Variants in TENM3 observed in about 807,000 individuals in gnomAD.
TENM3 encodes the protein teneurin transmembrane protein 3.
Under a neutral mutation model 255.1 loss-of-function variants are expected in TENM3, and 63 were observed. That is an observed-to-expected ratio of 0.25 (90% CI 0.20 to 0.30). The LOEUF is 0.30. Among genes scored for constraint, TENM3 ranks in the 10% least tolerant of loss-of-function variants. The pLI is 1.00. For synonymous variants in TENM3, 1,306 were observed against 1,322.3 expected (o/e 0.99, Z 0.27); for missense variants, 2,929 against 3,461.1 (o/e 0.85, Z 3.86).
chr4:181,748,269 G>A, the TENM3 span, among the ~76,000 whole-genome samples: 1 of 151,996 alleles, frequency 6.6e-6, no homozygotes. Context: ...TTATCCAAGT[G>A]CATGGTAGGT....
chr4:182,700,289 A>G (rs574889960), intron 12 of TENM3, among the ~76,000 whole-genome samples: 1 of 152,366 alleles, frequency 6.6e-6, no homozygotes, highest in African/African-American at 2.4e-5. Context: ...TTTAAGAAGT[A>G]TGATTATCCC....
chr4:181,778,797 T>C, the TENM3 span, among the ~76,000 whole-genome samples: 1 of 152,140 alleles, frequency 6.6e-6, no homozygotes, highest in Non-Finnish European at 1.5e-5. Context: ...GCTGGAACCT[T>C]TTCTTGTTTG....
the TENM3 span, among the ~76,000 whole-genome samples, chr4:181,941,719 G>A: frequency 1.3e-5 from 2 of 152,008 alleles, no homozygotes; most frequent in African/African-American, 4.8e-5. Flanking sequence ...TTTTGTTGTT[G>A]TTGCTGTGGG....
intron 3 of TENM3, among the ~76,000 whole-genome samples, chr4:182,540,099 G>T (rs1472492111): frequency 6.6e-6 from 1 of 152,212 alleles, no homozygotes; most frequent in Non-Finnish European, 1.5e-5. Context: ...AGATTGACAA[G>T]AAAGTTTGAT....
the TENM3 span, among the ~76,000 whole-genome samples, chr4:181,667,384 A>C: frequency 6.6e-6 from 1 of 152,206 alleles, no homozygotes; most frequent in Non-Finnish European, 1.5e-5. Flanking sequence ...CTGTTTGTTT[A>C]TAACAATGGC....
the TENM3 span, among the ~76,000 whole-genome samples, chr4:181,926,133 T>G: frequency 1.3e-5 from 2 of 152,220 alleles, no homozygotes; most frequent in Non-Finnish European, 2.9e-5. Context: ...TCTTTAAAAT[T>G]CAGTATCTTT....
intron 4 of TENM3, among the ~76,000 whole-genome samples, chr4:182,608,103 A>G (rs1047040014): frequency 2.0e-5 from 3 of 152,208 alleles, no homozygotes; most frequent in African/African-American, 7.2e-5. Flanking sequence ...CTGTAAAAGT[A>G]TGTCTCAGTC....
chr4:181,596,328 G>T, the TENM3 span, among the ~76,000 whole-genome samples: 1 of 152,168 alleles, frequency 6.6e-6, no homozygotes, highest in South Asian at 2.1e-4. Context: ...TCACAAGCTT[G>T]CACGGTTTGT....
the TENM3 span, among the ~76,000 whole-genome samples, chr4:181,957,774 T>C: frequency 1.3e-5 from 2 of 152,298 alleles, no homozygotes; most frequent in East Asian, 3.9e-4. Flanking sequence ...AGTGGTGTAC[T>C]GTTATTTAAA....
chr4:181,976,341 A>C, the TENM3 span: 6 of 152,208 alleles, frequency 3.9e-5, no homozygotes, highest in Non-Finnish European at 5.9e-5. Flanking sequence ...GCTAGTCTCC[A>C]ACTCCTGACG....
the TENM3 span, among the ~76,000 whole-genome samples, chr4:181,607,413 A>ATTT: frequency 5.2e-4 from 77 of 147,622 alleles, no homozygotes; most frequent in Non-Finnish European, 7.6e-4. Context: ...TTGGCATTTA[A>ATTT]TTTTTTTTTT....
At chr4:182,008,387 G>T in the TENM3 span, among the ~76,000 whole-genome samples, 3 of 151,880 alleles carry the variant, frequency 2.0e-5, no homozygotes, top group Non-Finnish European at 4.4e-5. Context: ...TCGTAGGTTC[G>T]ATCTTTTTAT....
At chr4:181,564,947 A>T in the TENM3 span, among the ~76,000 whole-genome samples, 1 of 152,168 alleles carries the variant, frequency 6.6e-6, no homozygotes, top group Non-Finnish European at 1.5e-5. Flanking sequence ...AGGAGCCAGC[A>T]TGGAATTCAT....
rs1580920273 is a variant in TENM3 at position 182,554,789 on chromosome 4, G to C, written c.512-46135G>C. The stretch of plus-strand genomic sequence containing the variant: ...ACAAAGCCCATGTCACCAGAATCAA[G>C]AGTACTTGGAAGAGAGGGGTCAGTG... On this transcript the variant is annotated intron_variant, in intron 3 of 27. Coordinates refer to ENST00000511685, the MANE Select transcript of TENM3 (RefSeq NM_001080477.4). Among the ~76,000 whole-genome samples the C allele has an allele frequency of 9.9e-5, 15 of 151,886 alleles. No homozygotes were observed. In the South Asian group the frequency reaches 3.1e-3, roughly 32 times the overall value.
the TENM3 span, among the ~76,000 whole-genome samples, chr4:181,561,106 C>T: frequency 1.3e-5 from 2 of 152,092 alleles, no homozygotes; most frequent in Admixed American, 1.3e-4. Context: ...GTGTGTGCCA[C>T]CAACGTCCGG....
At chr4:181,551,806 TAATATATATA>T in the TENM3 span, among the ~76,000 whole-genome samples, 80 of 45,970 alleles carry the variant, frequency 1.7e-3, no homozygotes, top group South Asian at 0.076. Flanking sequence ...AGGCAGTTAA[TAATATATATA>T]TATATATATA....
the TENM3 span, among the ~76,000 whole-genome samples, chr4:181,817,692 C>CT: frequency 6.6e-6 from 1 of 152,108 alleles, no homozygotes; most frequent in African/African-American, 2.4e-5. Flanking sequence ...GGAGCTCATC[C>CT]TTTTTTTGCC....
the TENM3 span, among the ~76,000 whole-genome samples, chr4:181,548,895 A>G: frequency 6.6e-6 from 1 of 152,186 alleles, no homozygotes; most frequent in African/African-American, 2.4e-5. Flanking sequence ...AGTTAATGAT[A>G]ACATTTATTC....
chr4:181,986,875 G>A, the TENM3 span, among the ~76,000 whole-genome samples: 2 of 152,046 alleles, frequency 1.3e-5, no homozygotes, highest in African/African-American at 2.4e-5. Context: ...AATATTTAGT[G>A]GGGAAATTGA....
Sources: allele counts gnomAD v4.1 joint callset (sites outside exome capture counted in the v4.1 genomes callset), GRCh38; gene constraint gnomAD v4.1.1; transcripts MANE v1.5; gene names NCBI Gene and HGNC (gene_info 2026-07-23, HGNC 2026-07-21).